Variants in CHEK2 observed in about 807,000 individuals in gnomAD.
The protein encoded by CHEK2 is checkpoint kinase 2.
Under a neutral mutation model 69.1 loss-of-function variants are expected in CHEK2, and 71 were observed. The observed-to-expected ratio is 1.03, with a 90% confidence interval of 0.85 to 1.25. The LOEUF is 1.25. Ranked by LOEUF, CHEK2 falls within the 50% of genes most tolerant of loss-of-function variation. The pLI, the probability that CHEK2 is intolerant of heterozygous loss-of-function variation, is 0.00. For synonymous variants in CHEK2, 189 were observed against 226.9 expected, an observed-to-expected ratio of 0.83 and a Z score of 1.50; for missense variants, 664 against 649.6, an observed-to-expected ratio of 1.02 and a Z score of -0.24.
chr22:28,704,197 C>T (rs1212586843), intron 7 of CHEK2, among the ~76,000 whole-genome samples: 1 of 151,532 alleles, frequency 6.6e-6, no homozygotes, highest in Non-Finnish European at 1.5e-5. Flanking sequence ...CTGATCAATG[C>T]AGGGTGCATG....
chr22:28,689,608 T>C (rs1251984566), intron 13 of CHEK2, among the ~76,000 whole-genome samples: 2 of 152,068 alleles, frequency 1.3e-5, no homozygotes, highest in African/African-American at 4.8e-5. Context: ...CTGCTGCCCC[T>C]GCCATGAATG....
At chr22:28,702,449 A>T (rs1159562388) in intron 8 of CHEK2, among the ~76,000 whole-genome samples, 1 of 150,846 alleles carries the variant, frequency 6.6e-6, no homozygotes, top group South Asian at 2.1e-4. Flanking sequence ...CGTGTTAGCC[A>T]GGATGGCCTC....
chr22:28,689,700 A>AAG (rs2052277877), intron 13 of CHEK2, among the ~76,000 whole-genome samples: 1 of 152,102 alleles, frequency 6.6e-6, no homozygotes, highest in Admixed American at 6.5e-5. Context: ...AAATTTTCAG[A>AAG]AGTACTTAAG....
At chr22:28,730,211 A>G in intron 2 of CHEK2, among the ~76,000 whole-genome samples, 1 of 13,254 alleles carries the variant, frequency 7.5e-5, no homozygotes, top group Non-Finnish European at 1.5e-4. Flanking sequence ...AGAGAGGAAG[A>G]GAGAAGAGGA....
At chr22:28,736,652 A>G (rs17882647) in intron 1 of CHEK2, among the ~76,000 whole-genome samples, 1 of 152,208 alleles carries the variant, frequency 6.6e-6, no homozygotes, top group Non-Finnish European at 1.5e-5. Flanking sequence ...TTAGACTGTC[A>G]TAACAGGCTG....
At chr22:28,699,369 T>TTC (rs1569119947) in intron 9 of CHEK2, among the ~76,000 whole-genome samples, 11 of 138,918 alleles carry the variant, frequency 7.9e-5, no homozygotes, top group African/African-American at 2.7e-4. Flanking sequence ...TTTCTTTTTT[T>TTC]TTTTTTTTTT....
At chr22:28,740,687 C>A (rs1238183907) in intron 1 of CHEK2, among the ~76,000 whole-genome samples, 1 of 152,126 alleles carries the variant, frequency 6.6e-6, no homozygotes. Context: ...CTTGGGAACT[C>A]CATATAGCTC....
chr22:28,713,935 C>A (rs2053498163), intron 5 of CHEK2, among the ~76,000 whole-genome samples: 2 of 152,182 alleles, frequency 1.3e-5, no homozygotes, highest in Admixed American at 1.3e-4. Flanking sequence ...CCCACCTCAG[C>A]CTCCCAAAGT....
At position 28,734,475 on chromosome 22, in the gene CHEK2, G is replaced by T. The variant is rs1555932326; in HGVS notation, c.247C>A (p.Gln83Lys). 1 of 1,613,570 alleles carries T rather than the reference G, an allele frequency of 6.2e-7. No homozygotes were observed. Among genetic ancestry groups the T allele is most frequent in the Non-Finnish European group, 8.5e-7 (1 of 1,179,704 alleles). The change falls in exon 2 of 15, where the codon CAA (glutamine) becomes AAA (lysine). Residue 83 changes from glutamine to lysine, a missense_variant. Gln to Lys is a moderately conservative substitution (Grantham distance 53). Transcript: ENST00000404276. ...SIPEDQEPED[Q>K]EPEEPTPAPW... ...GCAGGGGTAGGCTCCTCAGGTTCTT[G>T]GTCCTCAGGTTCTTGGTCCTCAGGA...
chr22:28,690,075 C>G (rs2052300338), intron 13 of CHEK2, among the ~76,000 whole-genome samples: 1 of 152,204 alleles, frequency 6.6e-6, no homozygotes, highest in African/African-American at 2.4e-5. Flanking sequence ...GATTCCAGTG[C>G]CTCATGTACT....
intron 4 of CHEK2, chr22:28,724,481 C>A: frequency 4.5e-6 from 1 of 224,018 alleles, no homozygotes; most frequent in South Asian, 7.1e-5. Flanking sequence ...ACCTTAAAAC[C>A]TTAAAAATCT....
At position 28,725,027 on chromosome 22, in the gene CHEK2, C is replaced by T. The variant is rs121908701; in HGVS notation, c.542G>A (p.Arg181His). 5.3e-5 allele frequency: 85 copies of T among 1,613,934 alleles called. 1 individual carries two copies. The East Asian group carries it at 8.7e-4, about 17-fold the overall frequency. ...NTELVGKGKR[R>H]PLNNNSEIAL... is the part of the protein sequence containing the mutation. ...AATTTCAGAATTGTTATTCAAAGGA[C>T]GGCGTTTTCCTTTCCCTACAAGCTC... is the stretch of plus-strand genomic sequence containing the variant. Residue 181 changes from arginine to histidine, a missense_variant, in exon 4 of 15, where the codon CGT (arginine) becomes CAT (histidine). Arg to His is a conservative substitution (Grantham distance 29, BLOSUM62 0). Coordinates refer to ENST00000404276, the MANE Select transcript of CHEK2 (RefSeq NM_007194.4).
intron 1 of CHEK2, among the ~76,000 whole-genome samples, chr22:28,735,177 C>T (rs768783969): frequency 6.6e-6 from 1 of 152,004 alleles, no homozygotes; most frequent in African/African-American, 2.4e-5. Flanking sequence ...GAGGACAAGA[C>T]GGGCAGATCA....
chr22:28,729,685 T>G (rs1298229999), intron 2 of CHEK2, among the ~76,000 whole-genome samples: 1 of 151,976 alleles, frequency 6.6e-6, no homozygotes, highest in Non-Finnish European at 1.5e-5. Context: ...TGCAACACCC[T>G]TTTATAACAA....
intron 13 of CHEK2, among the ~76,000 whole-genome samples, chr22:28,691,953 TGTTTTA>T (rs2052381041): frequency 6.6e-6 from 1 of 152,242 alleles, no homozygotes; most frequent in African/African-American, 2.4e-5. Context: ...CACTAACAGA[TGTTTTA>T]GATGGTCAGT....
At position 28,730,132 on chromosome 22, in the gene CHEK2, T is replaced by C. The variant is rs890129009; in HGVS notation, c.319+4271A>G. ...TGCTTGGATTACAGGCATGAGCCAC[T>C]GCACCCACCCCAGAAAGAACTTTTA... On this transcript the variant is annotated intron_variant, in intron 2 of 14. Transcript: ENST00000404276. Among the ~76,000 whole-genome samples the C allele has an allele frequency of 2.0e-5, 3 of 148,258 alleles. No homozygotes were observed. Among genetic ancestry groups the C allele is most frequent in the East Asian group, 2.0e-4 (1 of 5,080 alleles).
In CHEK2 at chr22:28,687,968, G is replaced by A. The variant is rs533475838; in HGVS notation, c.1561C>T (p.Arg521Trp). 72 of 1,595,990 alleles carry A rather than the reference G, an allele frequency of 4.5e-5. No individual in the cohort carries two copies. In the East Asian group the frequency reaches 5.8e-4, roughly 13 times the overall value. Residue 521 changes from arginine to tryptophan, a missense_variant, in exon 15 of 15, where the codon CGG becomes TGG. By Grantham distance (101) the Arg-to-Trp change is moderately radical. Transcript: ENST00000404276. ...VLAQPSTSRK[R>W]PREGEAEGAE... ...CCCTCGGCTTCCCCTTCACGGGGCC[G>A]CTTTCGACTAGTAGAAGGCTGAAAA... is the stretch of plus-strand genomic sequence containing the variant.
chr22:28,735,982 G>A (rs942446706), intron 1 of CHEK2, among the ~76,000 whole-genome samples: 4 of 152,064 alleles, frequency 2.6e-5, no homozygotes, highest in Non-Finnish European at 5.9e-5. Flanking sequence ...GGGTGGTGGA[G>A]GTAGGAGGAT....
intron 8 of CHEK2, among the ~76,000 whole-genome samples, chr22:28,702,098 C>T (rs981438738): frequency 1.4e-5 from 2 of 147,358 alleles, no homozygotes; most frequent in Admixed American, 6.8e-5. Flanking sequence ...ATTCCAGGCA[C>T]GTGCCACTAT....
Sources: gnomAD v4.1 joint callset for allele counts (sites outside exome capture counted in the v4.1 genomes callset) on GRCh38, gnomAD v4.1.1 for gene constraint, MANE v1.5 for transcripts, NCBI Gene and HGNC (gene_info 2026-07-23, HGNC 2026-07-21) for gene names.